The following TNIK variants were observed in gnomAD, a reference collection of about 807,000 sequenced individuals.
TNIK encodes TRAF2 and NCK-interacting protein kinase.
TNIK carries 49 observed loss-of-function variants against 191.3 expected under a neutral mutation model. The ratio of observed to expected loss-of-function variants is 0.26; its 90% CI spans 0.20 to 0.32. The LOEUF is 0.32. Ranked by LOEUF, TNIK falls within the 10% of genes least tolerant of loss-of-function variation. The pLI, the probability that TNIK is intolerant of heterozygous loss-of-function variation, is 1.00. For synonymous variants in TNIK, 594 were observed against 600.9 expected (o/e 0.99, Z 0.17); for missense variants, 1,155 against 1,702.3 (o/e 0.68, Z 5.66).
chr3:171,277,137 T>A (rs1749844610), intron 2 of TNIK, among the ~76,000 whole-genome samples: 1 of 152,178 alleles, frequency 6.6e-6, no homozygotes, highest in African/African-American at 2.4e-5. Context: ...CCCTTGTGCA[T>A]ACTCTCATCC....
intron 1 of TNIK, among the ~76,000 whole-genome samples, chr3:171,417,534 G>C (rs112345302): frequency 1.3e-5 from 2 of 152,048 alleles, no homozygotes; most frequent in African/African-American, 4.8e-5. Context: ...ATAACTTATA[G>C]TTATAAAAAA....
At position 171,110,624 on chromosome 3, in the gene TNIK, G is replaced by A. The variant is rs2291902; in HGVS notation, c.2284+90C>T. 5.6e-3 allele frequency: 8,170 copies of A among 1,459,012 alleles called. 184 individuals are homozygous for A. Among genetic ancestry groups the A allele is most frequent in the African/African-American group, 0.046 (3,281 of 70,704 alleles). 90.4% of individuals were successfully genotyped at this position (1,459,012 alleles called of 1,614,324 possible). On this transcript the variant is annotated intron_variant, in intron 19 of 32. Transcript: ENST00000436636. ...GATCACACAGTGGTGGCCATGCCTG[G>A]ACTAGAGTCAGGAAGTAACTAACCT... is the stretch of plus-strand genomic sequence containing the variant.
chr3:171,169,127 A>G (rs1464959112), intron 9 of TNIK, among the ~76,000 whole-genome samples: 1 of 152,238 alleles, frequency 6.6e-6, no homozygotes, highest in African/African-American at 2.4e-5. Context: ...AACTCCATAC[A>G]GTACTTTTCC....
chr3:171,453,428 G>A (rs1172212107), intron 1 of TNIK, among the ~76,000 whole-genome samples: 1 of 152,124 alleles, frequency 6.6e-6, no homozygotes, highest in Non-Finnish European at 1.5e-5. Flanking sequence ...CCCCTACAGA[G>A]CATCCATGGG....
intron 2 of TNIK, among the ~76,000 whole-genome samples, chr3:171,362,475 A>G (rs981959544): frequency 6.6e-6 from 1 of 152,206 alleles, no homozygotes; most frequent in African/African-American, 2.4e-5. Context: ...AAAACCAATA[A>G]ATCAAATGTA....
chr3:171,237,879 T>C (rs994793990), intron 2 of TNIK, among the ~76,000 whole-genome samples: 3 of 152,148 alleles, frequency 2.0e-5, no homozygotes, highest in African/African-American at 7.2e-5. Context: ...TGTATGTACT[T>C]GCACTCCTTT....
chr3:171,295,355 C>T (rs1455758254), intron 2 of TNIK, among the ~76,000 whole-genome samples: 1 of 152,182 alleles, frequency 6.6e-6, no homozygotes, highest in Non-Finnish European at 1.5e-5. Flanking sequence ...TCCTTCCTGC[C>T]TGCCTTCCAG....
At chr3:171,271,315 G>A (rs766226968) in intron 2 of TNIK, among the ~76,000 whole-genome samples, 1 of 152,058 alleles carries the variant, frequency 6.6e-6, no homozygotes, top group Non-Finnish European at 1.5e-5. Context: ...GTAATTATTG[G>A]CTTCACTCCA....
intron 2 of TNIK, chr3:171,347,025 G>T: frequency 9.9e-7 from 1 of 1,011,330 alleles, no homozygotes; most frequent in South Asian, 1.8e-5. Flanking sequence ...TCCTGCAGGC[G>T]TTCATATGAG....
intron 2 of TNIK, among the ~76,000 whole-genome samples, chr3:171,357,983 T>C (rs1217265024): frequency 6.6e-6 from 1 of 152,086 alleles, no homozygotes; most frequent in Non-Finnish European, 1.5e-5. Context: ...GTGGGGCTAC[T>C]CTGTGGAGGG....
chr3:171,380,046 C>A (rs1190947199), intron 1 of TNIK, among the ~76,000 whole-genome samples: 6 of 151,740 alleles, frequency 4.0e-5, no homozygotes, highest in African/African-American at 1.2e-4. Flanking sequence ...CACACACACA[C>A]ACACACACAC....
intron 27 of TNIK, 31 bp downstream of exon 27, chr3:171,082,220 A>G: frequency 1.2e-6 from 2 of 1,605,332 alleles, no homozygotes; most frequent in Non-Finnish European, 1.7e-6. Context: ...CGCTGTATGG[A>G]CCTGGGGGAC....
At chr3:171,216,956 C>CA (rs1297358270) in intron 3 of TNIK, among the ~76,000 whole-genome samples, 1 of 152,076 alleles carries the variant, frequency 6.6e-6, no homozygotes, top group Non-Finnish European at 1.5e-5. Context: ...GGACATTCTG[C>CA]AGGCAGCACC....
chr3:171,339,865 G>C (rs931239562), intron 2 of TNIK, among the ~76,000 whole-genome samples: 1 of 152,160 alleles, frequency 6.6e-6, no homozygotes, highest in African/African-American at 2.4e-5. Flanking sequence ...CCAGCTCATG[G>C]GCCGGTTTCC....
chr3:171,114,848 A>G (rs1576861036), intron 18 of TNIK, among the ~76,000 whole-genome samples: 1 of 152,362 alleles, frequency 6.6e-6, no homozygotes, highest in East Asian at 1.9e-4. Context: ...CCATACTGGA[A>G]ATACCCTTCA....
chr3:171,229,348 C>G (rs1743336711), intron 2 of TNIK, among the ~76,000 whole-genome samples: 1 of 152,154 alleles, frequency 6.6e-6, no homozygotes, highest in Non-Finnish European at 1.5e-5. Context: ...TTTCCAGTAC[C>G]TGGAATAGTA....
chr3:171,096,650 C>A (rs1722760719), intron 22 of TNIK, among the ~76,000 whole-genome samples: 1 of 152,040 alleles, frequency 6.6e-6, no homozygotes, highest in African/African-American at 2.4e-5. Context: ...ATTCTTTAAG[C>A]CTCACTGGAA....
At chr3:171,077,064 T>G (rs1156551380) in intron 28 of TNIK, among the ~76,000 whole-genome samples, 1 of 151,084 alleles carries the variant, frequency 6.6e-6, no homozygotes, top group Non-Finnish European at 1.5e-5. Flanking sequence ...TACATTTCCT[T>G]TCTTGTTCCC....
intron 2 of TNIK, among the ~76,000 whole-genome samples, chr3:171,365,650 T>C (rs536838680): frequency 1.3e-5 from 2 of 152,198 alleles, no homozygotes; most frequent in East Asian, 3.9e-4. Flanking sequence ...AAGTAATGAG[T>C]TCCACATGAC....
Sources: allele counts gnomAD v4.1 joint callset (sites outside exome capture counted in the v4.1 genomes callset), GRCh38; gene constraint gnomAD v4.1.1; transcripts MANE v1.5; gene names NCBI Gene and HGNC (gene_info 2026-07-23, HGNC 2026-07-21).